AUTS2: variants seen among roughly 807,000 people sequenced by gnomAD.
The protein encoded by AUTS2 is activator of transcription and developmental regulator AUTS2.
A neutral mutation model predicts 112.4 loss-of-function variants in AUTS2; 17 were observed. The ratio of observed to expected loss-of-function variants is 0.15; its 90% confidence interval spans 0.10 to 0.23. The LOEUF (loss-of-function observed/expected upper bound fraction) is 0.23. AUTS2 is among the 10% of genes least tolerant of loss of function. The pLI is 1.00. For missense variants in AUTS2, 1,510 were observed against 1,701.6 expected (o/e 0.89, Z 1.98); for synonymous variants, 751 against 702.7 (o/e 1.07, Z -1.09).
chr7:69,984,378 G>T (rs1798420108), intron 2 of AUTS2, among the ~76,000 whole-genome samples: 1 of 141,102 alleles, frequency 7.1e-6, no homozygotes, highest in African/African-American at 2.7e-5. Context: ...CTGCACTCCA[G>T]CCTGGGCGAC....
At chr7:69,701,722 T>G (rs941061151) in intron 1 of AUTS2, among the ~76,000 whole-genome samples, 16 of 152,218 alleles carry the variant, frequency 1.1e-4, no homozygotes, top group African/African-American at 3.9e-4. Flanking sequence ...TTTATGTATT[T>G]TATTTTATCT....
At chr7:70,372,629 T>A (rs900341433) in intron 4 of AUTS2, among the ~76,000 whole-genome samples, 2 of 151,832 alleles carry the variant, frequency 1.3e-5, no homozygotes, top group African/African-American at 4.8e-5. Flanking sequence ...GTACACTTCA[T>A]CTTTGCTTGC....
intron 2 of AUTS2, among the ~76,000 whole-genome samples, chr7:69,995,131 T>C (rs1003070669): frequency 6.6e-6 from 1 of 152,168 alleles, no homozygotes; most frequent in Non-Finnish European, 1.5e-5. Flanking sequence ...CCACCACTGA[T>C]GGATCACATG....
At chr7:69,740,669 G>A (rs1004184827) in intron 1 of AUTS2, among the ~76,000 whole-genome samples, 1 of 151,814 alleles carries the variant, frequency 6.6e-6, no homozygotes, top group Non-Finnish European at 1.5e-5. Context: ...GATTACAGGC[G>A]CCTGCCACCA....
intron 2 of AUTS2, among the ~76,000 whole-genome samples, chr7:69,935,015 T>C (rs1020887874): frequency 1.1e-4 from 16 of 152,170 alleles, no homozygotes; most frequent in Non-Finnish European, 1.5e-4. Context: ...ACCCTCAATT[T>C]CTCTTACTGC....
intron 4 of AUTS2, among the ~76,000 whole-genome samples, chr7:70,192,017 G>A (rs1809925001): frequency 6.6e-6 from 1 of 151,880 alleles, no homozygotes; most frequent in Admixed American, 6.6e-5. Flanking sequence ...GTAGTCACTT[G>A]GTTTAAATGC....
intron 5 of AUTS2, among the ~76,000 whole-genome samples, chr7:70,524,853 GT>G (rs777956021): frequency 1.2e-4 from 19 of 152,192 alleles, no homozygotes; most frequent in Non-Finnish European, 2.6e-4. Context: ...TTCTCCTGTG[GT>G]TTATAGCCCA....
chr7:70,240,667 C>T (rs1391561448), intron 4 of AUTS2, among the ~76,000 whole-genome samples: 1 of 152,114 alleles, frequency 6.6e-6, no homozygotes, highest in Non-Finnish European at 1.5e-5. Flanking sequence ...ACATGTGATC[C>T]TCTAGTTTAA....
intron 4 of AUTS2, among the ~76,000 whole-genome samples, chr7:70,300,750 A>G (rs936025192): frequency 2.0e-5 from 3 of 152,220 alleles, no homozygotes; most frequent in Admixed American, 1.3e-4. Context: ...TACTGCATGC[A>G]TAGGCTTACA....
chr7:70,731,420 CTTTTTTTTT>C (rs56244002), intron 6 of AUTS2, among the ~76,000 whole-genome samples: 2 of 69,508 alleles, frequency 2.9e-5, no homozygotes, highest in East Asian at 5.6e-4. Flanking sequence ...TTACCCAGAT[CTTTTTTTTT>C]TTTTTTTTTT....
At chr7:70,013,786 C>T (rs1409976225) in intron 2 of AUTS2, among the ~76,000 whole-genome samples, 1 of 152,118 alleles carries the variant, frequency 6.6e-6, no homozygotes, top group African/African-American at 2.4e-5. Context: ...GGCGCGAACT[C>T]GGCTCACTGC....
At chr7:69,850,028 C>A (rs1792391079) in intron 1 of AUTS2, among the ~76,000 whole-genome samples, 1 of 152,012 alleles carries the variant, frequency 6.6e-6, no homozygotes, top group Non-Finnish European at 1.5e-5. Flanking sequence ...GGCGCGGTGG[C>A]TCACACCTGT....
chr7:69,899,428 A>G lies in AUTS2; in HGVS notation c.452A>G (p.Asp151Gly), dbSNP rs955174689. The G allele has an allele frequency of 4.3e-6, 7 of 1,614,022 alleles. No homozygotes were observed. The highest frequency in any genetic ancestry group is 4.0e-5 in the African/African-American group (3 of 75,048). ...RLSHPHHYSSDRENDRNLCQH... is the reference protein window; with the variant it reads ...RLSHPHHYSSGRENDRNLCQH... ...AGCCACCCACACCACTACAGCTCAG[A>G]TCGAGAAAATGACCGCAATCTCTGC... is the stretch of plus-strand genomic sequence containing the variant. Residue 151 changes from aspartate (D) to glycine (G), a missense_variant, in exon 2 of 19, where the codon GAT becomes GGT. Asp to Gly is a moderately conservative substitution (Grantham distance 94, BLOSUM62 -1). Transcript: ENST00000342771.
chr7:70,494,948 C>T (rs1050456508), intron 5 of AUTS2, among the ~76,000 whole-genome samples: 1 of 152,028 alleles, frequency 6.6e-6, no homozygotes, highest in African/African-American at 2.4e-5. Context: ...GGCCTGTTTC[C>T]ATGGTGACAC....
chr7:69,682,854 G>A (rs1796863636), intron 1 of AUTS2, among the ~76,000 whole-genome samples: 2 of 152,202 alleles, frequency 1.3e-5, no homozygotes, highest in Non-Finnish European at 1.5e-5. Flanking sequence ...GGGAGGCTGA[G>A]GTGGGAGGAT....
At chr7:70,009,602 C>T (rs1369296047) in intron 2 of AUTS2, among the ~76,000 whole-genome samples, 1 of 152,194 alleles carries the variant, frequency 6.6e-6, no homozygotes, top group Non-Finnish European at 1.5e-5. Flanking sequence ...CTACTAAGTG[C>T]AGCTACCAAT....
chr7:70,308,254 C>A (rs966014381), intron 4 of AUTS2, among the ~76,000 whole-genome samples: 1 of 152,046 alleles, frequency 6.6e-6, no homozygotes, highest in Non-Finnish European at 1.5e-5. Context: ...TCCTGTGGGC[C>A]CCAGGAGTTA....
chr7:69,659,434 C>G (rs951772420), intron 1 of AUTS2, among the ~76,000 whole-genome samples: 3 of 148,588 alleles, frequency 2.0e-5, no homozygotes. Flanking sequence ...GGATGACATT[C>G]AGGGCTTTGG....
chr7:70,179,935 C>T (rs979452820), intron 4 of AUTS2, among the ~76,000 whole-genome samples: 3 of 152,156 alleles, frequency 2.0e-5, no homozygotes, highest in African/African-American at 7.2e-5. Context: ...AGCTCTGTGG[C>T]TTGAGTAGTG....
Sources: gnomAD v4.1 joint callset for allele counts (sites outside exome capture counted in the v4.1 genomes callset) on GRCh38, gnomAD v4.1.1 for gene constraint, MANE v1.5 for transcripts, NCBI Gene and HGNC (gene_info 2026-07-23, HGNC 2026-07-21) for gene names.